PCDH7: variants seen among roughly 807,000 people sequenced by gnomAD.
PCDH7 encodes protocadherin-7.
A neutral mutation model predicts 58.9 loss-of-function variants in PCDH7; 17 were observed. The ratio of observed to expected loss-of-function variants is 0.29; its 90% CI spans 0.20 to 0.43. The LOEUF (loss-of-function observed/expected upper bound fraction) is 0.43. Ranked by LOEUF, PCDH7 falls within the 20% of genes least tolerant of loss-of-function variation. The pLI is 1.00. For missense variants in PCDH7, 1,274 were observed against 1,441.0 expected, an observed-to-expected ratio of 0.88 and a Z score of 1.88; for synonymous variants, 664 against 616.4, an observed-to-expected ratio of 1.08 and a Z score of -1.14.
At chr4:30,970,334 G>T (rs966837897) in intron 3 of PCDH7, among the ~76,000 whole-genome samples, 1 of 149,704 alleles carries the variant, frequency 6.7e-6, no homozygotes, top group Non-Finnish European at 1.5e-5. Context: ...TAGCTCAGTC[G>T]CCCAGGCTGG....
intron 2 of PCDH7, among the ~76,000 whole-genome samples, chr4:30,928,998 C>T (rs1173449913): frequency 6.6e-6 from 1 of 152,050 alleles, no homozygotes; most frequent in Non-Finnish European, 1.5e-5. Context: ...CAGATCTAAA[C>T]TATAAAATAG....
chr4:31,082,645 G>A (rs1469828285), intron 3 of PCDH7, among the ~76,000 whole-genome samples: 1 of 152,114 alleles, frequency 6.6e-6, no homozygotes. Context: ...TGGAGCTGGA[G>A]GCCATTATTC....
intron 3 of PCDH7, among the ~76,000 whole-genome samples, chr4:31,040,421 G>C (rs966411197): frequency 1.3e-5 from 2 of 152,136 alleles, no homozygotes; most frequent in African/African-American, 2.4e-5. Flanking sequence ...TGTTCATAAA[G>C]GGAAAGGATG....
chr4:31,015,842 T>TG (rs926322487), intron 3 of PCDH7, among the ~76,000 whole-genome samples: 182 of 152,310 alleles, frequency 1.2e-3, no homozygotes, highest in African/African-American at 4.1e-3. Flanking sequence ...ATAGATCACT[T>TG]TTGTAAGTAC....
intron 1 of PCDH7, among the ~76,000 whole-genome samples, chr4:30,782,664 T>C (rs1456390633): frequency 6.6e-6 from 1 of 152,086 alleles, no homozygotes; most frequent in Non-Finnish European, 1.5e-5. Context: ...CCCAAAGAAA[T>C]AAGTAAACAT....
intron 1 of PCDH7, among the ~76,000 whole-genome samples, chr4:30,749,906 T>A (rs555848999): frequency 7.4e-4 from 112 of 152,358 alleles, no homozygotes; most frequent in African/African-American, 2.5e-3. Flanking sequence ...GTGCTGTAAC[T>A]GTTTCATTTT....
At chr4:30,913,980 C>T (rs940298496) in intron 1 of PCDH7, among the ~76,000 whole-genome samples, 2 of 152,102 alleles carry the variant, frequency 1.3e-5, no homozygotes, top group Non-Finnish European at 2.9e-5. Flanking sequence ...ACTGTAATCG[C>T]ACACCCCTTC....
Position 30,975,608 on chromosome 4 carries a change from C to G in PCDH7, c.*7+25393C>G, listed in dbSNP as rs117622160. On this transcript the variant is annotated intron_variant, in intron 3 of 3. Coordinates refer to the PCDH7 transcript ENST00000509759. ...CAACATGTTAGTATTTCCAATTTTA[C>G]TTGTTACATGTATTCACTCATCTAT... is the stretch of plus-strand genomic sequence containing the variant. Among the ~76,000 whole-genome samples the G allele has an allele frequency of 3.5e-4, 53 of 152,234 alleles. 4 individuals are homozygous for G. The East Asian group carries it at 8.1e-3, about 23-fold the overall frequency.
At chr4:30,817,544 AGTAAAT>A (rs1727848929) in intron 1 of PCDH7, among the ~76,000 whole-genome samples, 1 of 152,350 alleles carries the variant, frequency 6.6e-6, no homozygotes, top group East Asian at 1.9e-4. Context: ...AATGAGATAA[AGTAAAT>A]GGAACATTAG....
rs913942765 is a variant in PCDH7 at position 30,890,548 on chromosome 4, T to A, written c.71-29605T>A. On this transcript the variant is annotated intron_variant, in intron 1 of 3. Transcript: ENST00000509759. ...AATGTTTTGAATATTTAAGCCCAAA[T>A]ATATGATCATCTTTGTTTATGTTCA... Among the ~76,000 whole-genome samples, 3 of 151,894 alleles carry A rather than the reference T, an allele frequency of 2.0e-5. No homozygotes were observed. In the East Asian group the frequency reaches 5.8e-4, roughly 29 times the overall value.
At chr4:30,935,212 ATTGCTGATAAC>A (rs1019970312) in intron 2 of PCDH7, 2 of 276,266 alleles carry the variant, frequency 7.2e-6, no homozygotes. Flanking sequence ...ATACCTTAAA[ATTGCTGATAAC>A]TAGTTCTACA....
At chr4:31,058,627 T>C (rs947814303) in intron 3 of PCDH7, among the ~76,000 whole-genome samples, 1 of 152,038 alleles carries the variant, frequency 6.6e-6, no homozygotes, top group African/African-American at 2.4e-5. Flanking sequence ...ATTGATTTAA[T>C]TAAGGAGGTA....
At chr4:30,740,907 T>G (rs1426688675) in intron 1 of PCDH7, among the ~76,000 whole-genome samples, 2 of 151,948 alleles carry the variant, frequency 1.3e-5, no homozygotes, top group Non-Finnish European at 2.9e-5. Flanking sequence ...ATATGAAACA[T>G]TTTTAATCAG....
In PCDH7 at chr4:30,867,174, T is replaced by G. The variant is rs375761431; in HGVS notation, c.71-52979T>G. ...AGCTCTCTGTGACTTCCCAGAAATG[T>G]AAACCACAGATGGAGAATTATTGCT... On this transcript the variant is annotated intron_variant, in intron 1 of 3. Coordinates refer to the PCDH7 transcript ENST00000509759. 7.2e-5 allele frequency among the ~76,000 whole-genome samples: 11 copies of G among 152,054 alleles called. No homozygotes were observed. The East Asian group carries it at 2.1e-3, about 29-fold the overall frequency.
intron 3 of PCDH7, among the ~76,000 whole-genome samples, chr4:31,035,038 A>G (rs1755273679): frequency 6.6e-6 from 1 of 152,172 alleles, no homozygotes; most frequent in African/African-American, 2.4e-5. Flanking sequence ...CTTTTCTAAT[A>G]TTTCAAAGAA....
At chr4:30,872,593 G>A (rs559784373) in intron 1 of PCDH7, among the ~76,000 whole-genome samples, 4 of 152,082 alleles carry the variant, frequency 2.6e-5, no homozygotes, top group African/African-American at 7.2e-5. Context: ...CCATCATTGG[G>A]TAGCTGTGAT....
At position 30,957,925 on chromosome 4, in the gene PCDH7, T is replaced by A. The variant is rs1184157267; in HGVS notation, c.*7+7710T>A. Among the ~76,000 whole-genome samples, 5 of 152,234 alleles carry A rather than the reference T, an allele frequency of 3.3e-5. No individual in the cohort carries two copies. In the East Asian group the frequency reaches 7.7e-4, roughly 24 times the overall value. On this transcript the variant is annotated intron_variant, in intron 3 of 3. Transcript: ENST00000509759. ...TTTCCAAGTATTTTTGGCCTCAGTA[T>A]GAGGGAGACAAGAGGCACTATTCAA...
chr4:31,103,434 G>A (rs1037275935), intron 3 of PCDH7, among the ~76,000 whole-genome samples: 1 of 151,880 alleles, frequency 6.6e-6, no homozygotes, highest in Admixed American at 6.6e-5. Flanking sequence ...CCACCTCCCA[G>A]TTCAATTCTC....
At chr4:30,933,552 A>C (rs1191057678) in intron 2 of PCDH7, among the ~76,000 whole-genome samples, 2 of 152,060 alleles carry the variant, frequency 1.3e-5, no homozygotes, top group Non-Finnish European at 2.9e-5. Flanking sequence ...TTCTTTCTTA[A>C]AATATATAAA....
Sources: gnomAD v4.1 joint callset for allele counts (sites outside exome capture counted in the v4.1 genomes callset) on GRCh38, gnomAD v4.1.1 for gene constraint, MANE v1.5 for transcripts, NCBI Gene and HGNC (gene_info 2026-07-23, HGNC 2026-07-21) for gene names.